ARVCF: variants seen among roughly 807,000 people sequenced by gnomAD.
ARVCF encodes ARVCF delta catenin family member.
In ARVCF, 66 loss-of-function variants were observed where a neutral mutation model predicts 90.9. The observed-to-expected ratio is 0.73, with a 90% CI of 0.60 to 0.89. The LOEUF (loss-of-function observed/expected upper bound fraction) is 0.89, where lower values mean the gene tolerates loss of function less well. Among genes scored for constraint, ARVCF ranks in the 40% least tolerant of loss-of-function variants. The probability of loss-of-function intolerance (pLI) is 0.00; values close to 1 mark genes in which losing one functional copy is unlikely to be tolerated. For missense variants in ARVCF, 1,469 were observed against 1,382.3 expected, an observed-to-expected ratio of 1.06 and a Z score of -1.00; for synonymous variants, 653 against 603.4, an observed-to-expected ratio of 1.08 and a Z score of -1.21.
At chr22:19,966,034 G>A (rs1372004111), downstream of ARVCF, among the ~76,000 whole-genome samples, 2 of 152,216 alleles carry the variant, frequency 1.3e-5, no homozygotes, top group Non-Finnish European at 2.9e-5. Context: ...AATTACAGGG[G>A]CCTGCCTTCA....
Position 19,970,473 on chromosome 22 carries a change from C to T in ARVCF, c.*283G>A, listed in dbSNP as rs925774611. On this transcript the variant is annotated 3_prime_UTR_variant, in exon 20 of 20. Transcript: ENST00000263207. The stretch of plus-strand genomic sequence containing the variant: ...TTCCCTGCCACCTCCCTGGGCCCTG[C>T]CCCAGCAGCCCAGTCGGCCTCCTCG... 1.4e-5 allele frequency: 15 copies of T among 1,110,700 alleles called. No individual in the cohort carries two copies. Among genetic ancestry groups the T allele is most frequent in the Admixed American group, 1.3e-4 (3 of 22,702 alleles). 68.8% of individuals were successfully genotyped at this position (1,110,700 alleles called of 1,614,324 possible). A position where few individuals can be genotyped will look rare whatever the true frequency, so the allele number is the denominator to read the frequency against.
chr22:20,014,709 G>A lies in ARVCF; in HGVS notation c.-73+1880C>T, dbSNP rs528233419. 1.8e-4 allele frequency among the ~76,000 whole-genome samples: 27 copies of A among 152,288 alleles called. 1 individual carries two copies. Among genetic ancestry groups the A allele is most frequent in the South Asian group, 1.0e-3 (5 of 4,812 alleles). On this transcript the variant is annotated intron_variant, in intron 1 of 19. Coordinates refer to ENST00000263207, the MANE Select transcript of ARVCF (RefSeq NM_001670.3). ...GTCACTCCCTCTGCCAGGGCCAGGC[G>A]GGGAGCACGACAGATGGGCTGGACA... is the stretch of plus-strand genomic sequence containing the variant.
chr22:19,986,962 C>G, intron 3 of ARVCF: 2 of 609,454 alleles, frequency 3.3e-6, no homozygotes, highest in Non-Finnish European at 3.0e-6. Flanking sequence ...CAATAGCTGC[C>G]TCGGGCCAGC....
At chr22:19,978,112 AC>A (rs751034525) in intron 7 of ARVCF, 37 bp from the exon 8 acceptor site, 6 of 1,551,552 alleles carry the variant, frequency 3.9e-6, no homozygotes, top group Non-Finnish European at 5.2e-6. Context: ...ACCCCTGGCT[AC>A]CAGAAACTCC....
Position 19,977,872 on chromosome 22 carries a change from G to A in ARVCF, c.1698+86C>T, listed in dbSNP as rs1943249721. On this transcript the variant is annotated intron_variant, in intron 8 of 19. Transcript: ENST00000263207. ...CCCAGACCCACAAGCCCATTCCCCT[G>A]TGCTGCTCCCACAGTTCCAGCCTCC... 2.1e-6 allele frequency: 3 copies of A among 1,433,530 alleles called. No individual in the cohort carries two copies. The East Asian group carries it at 6.9e-5, about 33-fold the overall frequency. 88.8% of individuals were successfully genotyped at this position (1,433,530 alleles called of 1,614,324 possible).
intron 2 of ARVCF, among the ~76,000 whole-genome samples, chr22:20,007,663 G>A (rs1051133498): frequency 6.6e-6 from 1 of 152,196 alleles, no homozygotes; most frequent in Non-Finnish European, 1.5e-5. Context: ...CTCGGGAGCA[G>A]GTTACTGATA....
At chr22:19,968,464 C>A (rs1942546803), downstream of ARVCF, 3 of 1,464,042 alleles carry the variant, frequency 2.0e-6, no homozygotes, top group East Asian at 2.4e-5. Context: ...TGAGGAGCAC[C>A]CATCCTGGTT....
chr22:19,993,407 G>A (rs147452715), intron 2 of ARVCF, among the ~76,000 whole-genome samples: 2 of 152,378 alleles, frequency 1.3e-5, no homozygotes, highest in African/African-American at 2.4e-5. Flanking sequence ...AAAGCAAAAT[G>A]TGCATGGATT....
chr22:19,990,859 C>A, intron 2 of ARVCF, 47 bp from the exon 3 acceptor site: 2 of 1,521,034 alleles, frequency 1.3e-6, no homozygotes, highest in Non-Finnish European at 1.8e-6. Context: ...CACAGCCTGG[C>A]AAGGCCATCA....
intron 2 of ARVCF, among the ~76,000 whole-genome samples, chr22:20,001,577 G>A (rs976779153): frequency 2.0e-5 from 3 of 152,200 alleles, no homozygotes; most frequent in Admixed American, 2.0e-4. Context: ...GCCAAGGTGG[G>A]AGGATCACCT....
At chr22:19,968,194 G>T (rs939322931), downstream of ARVCF, among the ~76,000 whole-genome samples, 4 of 152,184 alleles carry the variant, frequency 2.6e-5, no homozygotes, top group Admixed American at 6.5e-5. Flanking sequence ...TCCTGGCACT[G>T]GGTGTTGAGG....
At position 19,973,765 on chromosome 22, in the gene ARVCF, C is replaced by A. The variant is rs371370931; in HGVS notation, c.2117G>T (p.Arg706Leu). ...AAGCACCGGCAGCCCGCGCTCTTTG[C>A]GCACTGTGGCGCGGATGTACGTGGC... ...MWATYIRATV[R>L]KERGLPVLVE... Residue 706 changes from arginine (R) to leucine (L), a missense_variant, in exon 13 of 20, where the codon CGC becomes CTC. Physicochemically the swap from Arg to Leu is moderately radical, Grantham distance 102 (BLOSUM62 -2). Transcript: ENST00000263207. The A allele has an allele frequency of 1.2e-6, 2 of 1,607,060 alleles. No individual in the cohort carries two copies. Among genetic ancestry groups the A allele is most frequent in the Non-Finnish European group, 1.7e-6 (2 of 1,179,758 alleles).
intron 2 of ARVCF, among the ~76,000 whole-genome samples, chr22:20,003,027 A>C: frequency 6.6e-6 from 1 of 152,236 alleles, no homozygotes; most frequent in Non-Finnish European, 1.5e-5. Flanking sequence ...AACAAAAAAA[A>C]ACCTCAATTT....
rs376535935 is a variant in ARVCF, at chr22:19,981,537, G to C, written c.570C>G (p.Pro190=). 5.7e-6 allele frequency: 9 copies of C among 1,582,850 alleles called. No homozygotes were observed. The Middle Eastern group carries it at 5.0e-4, about 89-fold the overall frequency. Residue 190 remains proline (P), a synonymous_variant, in exon 5 of 20, where the codon CCC becomes CCG. Transcript: ENST00000263207. ...RAYLSSGGGF[P]EGPEPRDSPS... is the part of the protein sequence containing the mutation. ...GGCTGTCCCGGGGCTCGGGGCCTTC[G>C]GGAAAGCCACCCCCACTGCTGAGGT...
chr22:19,993,804 G>C (rs1415596122), intron 2 of ARVCF, among the ~76,000 whole-genome samples: 1 of 152,228 alleles, frequency 6.6e-6, no homozygotes, highest in African/African-American at 2.4e-5. Flanking sequence ...GAACTGAAGG[G>C]GGGCTGGAAA....
chr22:19,969,929 C>G lies in ARVCF; in HGVS notation c.*827G>C, dbSNP rs1186077045. 33 of 985,422 alleles carry G rather than the reference C, an allele frequency of 3.3e-5. No individual in the cohort carries two copies. The highest frequency in any genetic ancestry group is 3.7e-5 in the Non-Finnish European group (31 of 829,932). The allele number at this position is 985,422 out of a possible 1,614,324, so 61.0% of individuals were successfully genotyped here. On this transcript the variant is annotated 3_prime_UTR_variant, in exon 20 of 20. Transcript: ENST00000263207. ...CTGCTTTAATTTTTAAATTTTCTTA[C>G]AAAAATTTAGGTGTTTACCAATAGT...
downstream of ARVCF, among the ~76,000 whole-genome samples, chr22:19,966,310 G>A (rs939813221): frequency 6.6e-6 from 1 of 151,930 alleles, no homozygotes; most frequent in African/African-American, 2.4e-5. Flanking sequence ...GGAGGCACGA[G>A]GGGTGAGGGG....
intron 19 of ARVCF, 59 bp downstream of exon 19, chr22:19,971,155 CAA>C: frequency 6.4e-7 from 1 of 1,550,554 alleles, no homozygotes; most frequent in South Asian, 1.2e-5. Flanking sequence ...CGGAGACTAA[CAA>C]GAAGCCCTGG....
At position 19,980,125 on chromosome 22, in the gene ARVCF, C is replaced by A. The variant is rs114883426; in HGVS notation, c.1014G>T (p.Arg338=). The A allele has an allele frequency of 6.3e-7, 1 of 1,591,084 alleles. No homozygotes were observed. The highest frequency in any genetic ancestry group is 1.1e-5 in the South Asian group (1 of 90,146). ...PERGSMGSLD[R]LVRRSPSVDS... ...CCACTGAGGGCGAGCGCCGCACCAGCCGGTCCAGGCTGCCCATGCTGCCCC... is the reference window on the plus strand; with the variant it reads ...CCACTGAGGGCGAGCGCCGCACCAGACGGTCCAGGCTGCCCATGCTGCCCC... The change falls in exon 6 of 20, where the codon CGG becomes CGT. Residue 338 remains arginine, a synonymous_variant. Transcript: ENST00000263207.
Sources: allele counts gnomAD v4.1 joint callset (sites outside exome capture counted in the v4.1 genomes callset), GRCh38; gene constraint gnomAD v4.1.1; transcripts MANE v1.5; gene names NCBI Gene and HGNC (gene_info 2026-07-23, HGNC 2026-07-21).